HERC1: variants seen among roughly 807,000 people sequenced by gnomAD.
The protein encoded by HERC1 is HECT and RLD domain containing E3 ubiquitin protein ligase family member 1.
Under a neutral mutation model 554.3 loss-of-function variants are expected in HERC1, and 160 were observed. The observed-to-expected ratio is 0.29, with a 90% CI of 0.25 to 0.33. The LOEUF (loss-of-function observed/expected upper bound fraction) is 0.33. Ranked by LOEUF, HERC1 falls within the 10% of genes least tolerant of loss-of-function variation. The probability of loss-of-function intolerance (pLI) is 1.00; values close to 1 mark genes in which losing one functional copy is unlikely to be tolerated. For missense variants in HERC1, 4,919 were observed against 5,918.5 expected (o/e 0.83, Z 5.54); for synonymous variants, 2,175 against 2,131.7 (o/e 1.02, Z -0.56).
At chr15:63,710,119 C>T (rs1427337522) in intron 24 of HERC1, among the ~76,000 whole-genome samples, 1 of 152,208 alleles carries the variant, frequency 6.6e-6, no homozygotes, top group African/African-American at 2.4e-5. Context: ...GGTGACACTT[C>T]CCAGAATCTT....
chr15:63,689,009 T>C (rs985574255), intron 33 of HERC1, among the ~76,000 whole-genome samples: 1 of 152,278 alleles, frequency 6.6e-6, no homozygotes, highest in African/African-American at 2.4e-5. Context: ...TGGATGAGAC[T>C]GCTGGAAAAG....
chr15:63,708,167 T>C (rs2073113689), intron 24 of HERC1, among the ~76,000 whole-genome samples: 1 of 152,144 alleles, frequency 6.6e-6, no homozygotes. Flanking sequence ...AAGGCATCAC[T>C]GTGTCAGGCA....
chr15:63,653,999 T>C (rs1005057795), intron 51 of HERC1, 120 bp downstream of exon 51: 8 of 721,328 alleles, frequency 1.1e-5, no homozygotes, highest in African/African-American at 1.7e-5. Context: ...CATGTGTATG[T>C]GTACGTGTGA....
chr15:63,655,604 GT>G, intron 50 of HERC1, 137 bp downstream of exon 50: 3 of 610,954 alleles, frequency 4.9e-6, no homozygotes, highest in East Asian at 5.6e-5. Flanking sequence ...CAGTGAAAAA[GT>G]ATCTATGCAC....
rs1228332525 is a variant in HERC1, at chr15:63,674,237, ATTTT to A, written c.7846+101_7846+104del. On this transcript the variant is annotated intron_variant, in intron 38 of 77. Transcript: ENST00000443617. ...GAAAATTGCTTTGACCAAAAAAAAA[ATTTT>A]TTTTTTTTTACAAATCACTTACAGA... 5 of 695,416 alleles carry A rather than the reference ATTTT, an allele frequency of 7.2e-6. No individual in the cohort carries two copies. In the South Asian group the frequency reaches 1.2e-4, roughly 16 times the overall value. 43.1% of individuals were successfully genotyped at this position (695,416 alleles called of 1,614,324 possible). A position where few individuals can be genotyped will look rare whatever the true frequency, so the allele number is the denominator to read the frequency against.
intron 64 of HERC1, 67 bp downstream of exon 64, chr15:63,637,437 AG>A: frequency 7.4e-7 from 1 of 1,352,478 alleles, no homozygotes; most frequent in Non-Finnish European, 1.0e-6. Flanking sequence ...AGAAGGGCAA[AG>A]GTTTGTACGA....
At chr15:63,767,667 C>T (rs2075824933) in intron 2 of HERC1, among the ~76,000 whole-genome samples, 1 of 152,030 alleles carries the variant, frequency 6.6e-6, no homozygotes, top group Non-Finnish European at 1.5e-5. Context: ...CACCGCACTC[C>T]AGCCTGGGAA....
intron 12 of HERC1, among the ~76,000 whole-genome samples, chr15:63,743,859 G>A (rs1322468591): frequency 1.3e-5 from 2 of 152,130 alleles, no homozygotes; most frequent in Non-Finnish European, 2.9e-5. Flanking sequence ...GGATGGTGTG[G>A]ATGCCAGTAG....
chr15:63,719,952 T>G (rs1231403328), intron 19 of HERC1, among the ~76,000 whole-genome samples: 2 of 151,950 alleles, frequency 1.3e-5, no homozygotes, highest in African/African-American at 4.8e-5. Context: ...TATCTGGTAT[T>G]TGATGCCATA....
intron 12 of HERC1, among the ~76,000 whole-genome samples, chr15:63,743,797 T>C (rs1308945388): frequency 1.3e-5 from 2 of 152,246 alleles, no homozygotes; most frequent in Admixed American, 1.3e-4. Flanking sequence ...CACAAATCTG[T>C]TTCCCCAGGA....
At chr15:63,671,177 T>C (rs1010178016) in intron 39 of HERC1, among the ~76,000 whole-genome samples, 5 of 136,284 alleles carry the variant, frequency 3.7e-5, no homozygotes. Flanking sequence ...CACTCCAGCC[T>C]GGGCAACAAG....
At chr15:63,678,805 A>C (rs745622357) in intron 36 of HERC1, among the ~76,000 whole-genome samples, 3 of 152,242 alleles carry the variant, frequency 2.0e-5, no homozygotes, top group Non-Finnish European at 4.4e-5. Context: ...ACTGCAAATA[A>C]GACACAGAAG....
chr15:63,696,266 G>T lies in HERC1; in HGVS notation c.4979C>A (p.Ala1660Glu). ...GAAGCCTGAACTCAATCTGCTTCCT[G>T]CCAGTGAGATGCTACCTTTTTCTTC... ...GMEEKGSISL[A>E]GSRLSSGFQS... Residue 1660 changes from alanine (A) to glutamate (E), a missense_variant, in exon 27 of 78, where the codon GCA becomes GAA. Ala to Glu is a moderately radical substitution (Grantham distance 107, BLOSUM62 -1). Coordinates refer to ENST00000443617, the MANE Select transcript of HERC1 (RefSeq NM_003922.4). 6.2e-7 allele frequency: 1 copy of T among 1,613,338 alleles called. No individual in the cohort carries two copies. Among genetic ancestry groups the T allele is most frequent in the Non-Finnish European group, 8.5e-7 (1 of 1,179,622 alleles).
At chr15:63,654,411 G>T in intron 50 of HERC1, 87 bp from the exon 51 acceptor site, 1 of 1,034,730 alleles carries the variant, frequency 9.7e-7, no homozygotes, top group Non-Finnish European at 1.4e-6. Flanking sequence ...GCTCAGGTGA[G>T]ATTTGGTGGT....
At chr15:63,788,867 T>G (rs905432940) in intron 1 of HERC1, among the ~76,000 whole-genome samples, 1 of 118,568 alleles carries the variant, frequency 8.4e-6, no homozygotes, top group African/African-American at 3.5e-5. Flanking sequence ...AGAGCAAGAC[T>G]CCGTCTCAAA....
chr15:63,775,492 A>G lies in HERC1; in HGVS notation c.132T>C (p.Asn44=). The G allele has an allele frequency of 6.2e-7, 1 of 1,613,960 alleles. No individual in the cohort carries two copies. The highest frequency in any genetic ancestry group is 1.6e-4 in the Middle Eastern group (1 of 6,062). ...VAVLYSKLVS[N]KEVVPLPQQV... ...GTTGGGGCAAAGGTACTACTTCCTT[A>G]TTGCTAACCAGTTTAGAATACAGAA... The change falls in exon 2 of 78, where the codon AAT becomes AAC. Residue 44 remains asparagine, a synonymous_variant. Coordinates refer to ENST00000443617, the MANE Select transcript of HERC1 (RefSeq NM_003922.4). The surrounding 1 kb of genome is among the most constrained non-coding windows in gnomAD (Gnocchi z 4.0).
chr15:63,621,869 G>A (rs773827485), intron 74 of HERC1, among the ~76,000 whole-genome samples: 9 of 152,020 alleles, frequency 5.9e-5, no homozygotes, highest in African/African-American at 1.7e-4. Flanking sequence ...CTCTGCATTG[G>A]TTATTCTAGT....
chr15:63,765,049 T>G (rs909905239), intron 2 of HERC1, among the ~76,000 whole-genome samples: 2 of 152,204 alleles, frequency 1.3e-5, no homozygotes, highest in Admixed American at 1.3e-4. Context: ...AGCTGACGGC[T>G]GACTTATGCA....
chr15:63,643,909 C>T (rs955073545), intron 57 of HERC1, among the ~76,000 whole-genome samples: 9 of 152,130 alleles, frequency 5.9e-5, no homozygotes. Flanking sequence ...TCATTTTTAT[C>T]CCCTAACATT....
Sources: gnomAD v4.1 joint callset for allele counts (sites outside exome capture counted in the v4.1 genomes callset) on GRCh38, gnomAD v4.1.1 for gene constraint, Gnocchi (gnomAD v3.1) non-coding constraint, MANE v1.5 for transcripts, NCBI Gene and HGNC (gene_info 2026-07-23, HGNC 2026-07-21) for gene names.